LRRC43: variants seen among roughly 807,000 people sequenced by gnomAD.
LRRC43 encodes leucine-rich repeat-containing protein 43.
A neutral mutation model predicts 64.3 loss-of-function variants in LRRC43; 62 were observed. The observed-to-expected ratio is 0.96, with a 90% confidence interval of 0.79 to 1.19. LRRC43 has a LOEUF of 1.19. Ranked by LOEUF, LRRC43 falls within the 50% of genes most tolerant of loss-of-function variation. The pLI, the probability that LRRC43 is intolerant of heterozygous loss-of-function variation, is 0.00. For missense variants in LRRC43, 868 were observed against 845.0 expected (o/e 1.03, Z -0.34); for synonymous variants, 422 against 382.3 (o/e 1.10, Z -1.21).
Position 122,184,423 on chromosome 12 carries a change from A to C in LRRC43, c.151-96A>C. ...CTCTAGATTTCTAAACTCTATCCCT[A>C]ATCGTCCAGTTTTATGATCTGTTCT... On this transcript the variant is annotated intron_variant, in intron 1 of 11. Coordinates refer to ENST00000339777, the MANE Select transcript of LRRC43 (RefSeq NM_001098519.2). This position sits in a 1 kb window ranked among gnomAD's most constrained non-coding sequence, Gnocchi z 4.0. The C allele has an allele frequency of 6.9e-7, 1 of 1,446,234 alleles. No homozygotes were observed. Among genetic ancestry groups the C allele is most frequent in the Non-Finnish European group, 9.3e-7 (1 of 1,073,928 alleles). 89.6% of individuals were successfully genotyped at this position (1,446,234 alleles called of 1,614,324 possible). A position where few individuals can be genotyped will look rare whatever the true frequency, so the allele number is the denominator to read the frequency against.
chr12:122,167,792 A>G (rs1441895307), intron 1 of LRRC43: 1 of 150,750 alleles, frequency 6.6e-6, no homozygotes, highest in African/African-American at 2.4e-5. Flanking sequence ...TGTGAGTGAC[A>G]CTGAGAAACT....
At position 122,184,952 on chromosome 12, in the gene LRRC43, G is replaced by A. The variant is rs1172072751; in HGVS notation, c.411+173G>A. On this transcript the variant is annotated intron_variant, in intron 2 of 11. Transcript: ENST00000339777. The surrounding 1 kb of genome is among the most constrained non-coding windows in gnomAD (Gnocchi z 4.0). ...CCTGGCTTGTGTGCCAGGCAGGGCC[G>A]GCTACTCGGTCAGCCTTGCGTTTCT... 3.3e-5 allele frequency among the ~76,000 whole-genome samples: 5 copies of A among 152,126 alleles called. No homozygotes were observed. Among genetic ancestry groups the A allele is most frequent in the African/African-American group, 9.7e-5 (4 of 41,426 alleles).
At position 122,191,537 on chromosome 12, in the gene LRRC43, A is replaced by G; in HGVS notation, c.1059A>G (p.Glu353=). Residue 353 remains glutamate, a synonymous_variant, in exon 6 of 12, where the codon GAA becomes GAG. Transcript: ENST00000339777. ...TYDFVKDEEG[E]MNESAGVLAE... ...ATTTTGTGAAAGATGAAGAAGGCGAAATGAATGAGTCCGCGGGCGTCCTGG... is the reference window on the plus strand; with the variant it reads ...ATTTTGTGAAAGATGAAGAAGGCGAGATGAATGAGTCCGCGGGCGTCCTGG... The G allele has an allele frequency of 6.2e-7, 1 of 1,614,194 alleles. No individual in the cohort carries two copies. Among genetic ancestry groups the G allele is most frequent in the Non-Finnish European group, 8.5e-7 (1 of 1,180,044 alleles).
At chr12:122,180,333 G>T (rs1593142283), upstream of LRRC43, among the ~76,000 whole-genome samples, 1 of 151,970 alleles carries the variant, frequency 6.6e-6, no homozygotes, top group Non-Finnish European at 1.5e-5. Flanking sequence ...AGCCTGACCA[G>T]CATGGAGAAA....
At position 122,184,768 on chromosome 12, in the gene LRRC43, A is replaced by G. The variant is rs371653161; in HGVS notation, c.400A>G (p.Ile134Val). Residue 134 changes from isoleucine (I) to valine (V), a missense_variant, in exon 2 of 12, where the codon ATA becomes GTA. By Grantham distance (29) the Ile-to-Val change is conservative. Transcript: ENST00000339777. The surrounding 1 kb of genome is among the most constrained non-coding windows in gnomAD (Gnocchi z 4.0). ...CTCCTACTTCCGGTCCCTGCGGGTA[A>G]TAGACAAGAAGGTCAGTGCTGGGCA... ...FYSYFRSLRVIDKKVTLVDKD... is the reference protein window; with the variant it reads ...FYSYFRSLRVVDKKVTLVDKD... The G allele has an allele frequency of 1.2e-6, 2 of 1,602,286 alleles. No homozygotes were observed. Among genetic ancestry groups the G allele is most frequent in the African/African-American group, 2.7e-5 (2 of 74,840 alleles).
chr12:122,173,276 A>G (rs867170220), intron 1 of LRRC43, among the ~76,000 whole-genome samples: 1 of 152,360 alleles, frequency 6.6e-6, no homozygotes, highest in African/African-American at 2.4e-5. Context: ...TTGGGTTGGT[A>G]ACAACCTCTG....
chr12:122,173,768 G>A, intron 1 of LRRC43: 1 of 1,335,630 alleles, frequency 7.5e-7, no homozygotes, highest in Non-Finnish European at 1.1e-6. Flanking sequence ...CAGGTCCGGA[G>A]AGAGGAGCCT....
At chr12:122,178,756 G>A (rs1201767031), upstream of LRRC43, among the ~76,000 whole-genome samples, 6 of 150,980 alleles carry the variant, frequency 4.0e-5, no homozygotes, top group East Asian at 5.8e-4. Flanking sequence ...CACTCTTGGC[G>A]TTTTTTTGTT....
chr12:122,169,628 A>G (rs1406438289), intron 1 of LRRC43, among the ~76,000 whole-genome samples: 5 of 145,764 alleles, frequency 3.4e-5, no homozygotes, highest in African/African-American at 5.0e-5. Context: ...AGGCAGTGGA[A>G]TGGCGTGAAC....
intron 1 of LRRC43, chr12:122,174,219 A>C (rs1953517460): frequency 1.9e-6 from 3 of 1,612,766 alleles, no homozygotes; most frequent in Non-Finnish European, 8.5e-7. Context: ...CTGGAGCCAG[A>C]TGTGTTCGCC....
At chr12:122,182,043 G>A (rs181836225), upstream of LRRC43, among the ~76,000 whole-genome samples, 188 of 152,074 alleles carry the variant, frequency 1.2e-3, no homozygotes, top group Non-Finnish European at 3.2e-4. Context: ...GGCCCTTTGG[G>A]AAGTGATTAA....
Position 122,190,205 on chromosome 12 carries a change from C to G in LRRC43, c.738C>G (p.Thr246=). 6.2e-7 allele frequency: 1 copy of G among 1,614,162 alleles called. No individual in the cohort carries two copies. The highest frequency in any genetic ancestry group is 8.5e-7 in the Non-Finnish European group (1 of 1,180,034). ...DLQSMVTSLR[T]LRHLRLLVLQ... is the part of the protein sequence containing the mutation. ...AGAGCATGGTCACCAGCCTGAGGAC[C>G]CTCCGGCACCTGCGACTCCTGGTGC... is the stretch of plus-strand genomic sequence containing the variant. Residue 246 remains threonine, a synonymous_variant, in exon 5 of 12, where the codon ACC becomes ACG. Transcript: ENST00000339777.
chr12:122,198,960 TA>T (rs1169871199), intron 7 of LRRC43, among the ~76,000 whole-genome samples: 1 of 150,240 alleles, frequency 6.7e-6, no homozygotes, highest in Non-Finnish European at 1.5e-5. Context: ...AACCAGTTAT[TA>T]TTGTCATATG....
At chr12:122,185,600 C>T (rs952591520) in intron 2 of LRRC43, among the ~76,000 whole-genome samples, 2 of 152,200 alleles carry the variant, frequency 1.3e-5, no homozygotes, top group African/African-American at 2.4e-5. Context: ...TTTCTTTTTC[C>T]AGAGCCACTG....
intron 1 of LRRC43, among the ~76,000 whole-genome samples, chr12:122,168,644 T>C (rs1282219436): frequency 6.6e-6 from 1 of 152,200 alleles, no homozygotes; most frequent in African/African-American, 2.4e-5. Context: ...AGAGTTCCTA[T>C]ATACCCTTCA....
intron 5 of LRRC43, among the ~76,000 whole-genome samples, chr12:122,190,975 A>C (rs1309678119): frequency 6.6e-6 from 1 of 152,180 alleles, no homozygotes; most frequent in African/African-American, 2.4e-5. Flanking sequence ...CTCTAAAAAA[A>C]ATAAAAAGTC....
upstream of LRRC43, among the ~76,000 whole-genome samples, chr12:122,180,476 G>T (rs573409981): frequency 8.5e-5 from 13 of 152,192 alleles, no homozygotes; most frequent in East Asian, 2.3e-3. Flanking sequence ...CCAAGATTGC[G>T]CCACTGCACT....
intron 2 of LRRC43, among the ~76,000 whole-genome samples, chr12:122,185,428 G>A (rs925580283): frequency 3.3e-5 from 5 of 152,110 alleles, no homozygotes; most frequent in East Asian, 1.9e-4. Context: ...GATCATGATC[G>A]CACCGCTGCA....
chr12:122,190,486 G>A (rs1953705923), intron 5 of LRRC43, 118 bp downstream of exon 5: 1 of 746,774 alleles, frequency 1.3e-6, no homozygotes, highest in East Asian at 2.5e-5. Flanking sequence ...ATTTGACCCA[G>A]ACCCTATTCA....
Sources: allele counts gnomAD v4.1 joint callset (sites outside exome capture counted in the v4.1 genomes callset), GRCh38; gene constraint gnomAD v4.1.1; non-coding constraint Gnocchi (gnomAD v3.1); transcripts MANE v1.5; gene names NCBI Gene and HGNC (gene_info 2026-07-23, HGNC 2026-07-21).